The following TUB variants were observed in gnomAD, a reference collection of about 807,000 sequenced individuals.
TUB encodes the protein tubby protein homolog.
A neutral mutation model predicts 59.7 loss-of-function variants in TUB; 33 were observed. The ratio of observed to expected loss-of-function variants is 0.55; its 90% CI spans 0.42 to 0.74. The LOEUF is 0.74. Ranked by LOEUF, TUB falls within the 30% of genes least tolerant of loss-of-function variation. TUB has a pLI of 0.00. For synonymous variants in TUB, 293 were observed against 256.4 expected (o/e 1.14, Z -1.36); for missense variants, 659 against 672.0 (o/e 0.98, Z 0.21).
rs1172122964 is a variant in TUB, at chr11:8,095,638, G to C, written c.538G>C (p.Asp180His). The C allele has an allele frequency of 1.2e-6, 2 of 1,607,114 alleles. No individual in the cohort carries two copies. Among genetic ancestry groups the C allele is most frequent in the African/African-American group, 1.3e-5 (1 of 75,014 alleles). The change falls in exon 5 of 12, where the codon GAT (aspartate) becomes CAT (histidine). Residue 180 changes from aspartate (D) to histidine (H), a missense_variant. Coordinates refer to ENST00000299506, the MANE Select transcript of TUB (RefSeq NM_177972.3). ...TGGGGGCGAACGGCCCAGCGGGCAG[G>C]ATCTCCGTGCCACGATGCAGAGGAA... ...AGGGERPSGQ[D>H]LRATMQRKGI...
chr11:8,101,381 C>G, intron 11 of TUB, 105 bp from the exon 12 acceptor site: 1 of 1,417,796 alleles, frequency 7.1e-7, no homozygotes, highest in Non-Finnish European at 9.8e-7. Flanking sequence ...ATCTCTGCTT[C>G]TCACTTGTTC....
chr11:8,095,469 T>G (rs1454409634), intron 4 of TUB, 29 bp from the exon 5 acceptor site: 1 of 1,583,048 alleles, frequency 6.3e-7, no homozygotes, highest in South Asian at 1.1e-5. Context: ...TCCTCCTGGA[T>G]GTAACTCAGG....
chr11:8,020,454 C>T (rs2133692992), intron 1 of TUB, among the ~76,000 whole-genome samples: 1 of 152,328 alleles, frequency 6.6e-6, no homozygotes, highest in South Asian at 2.1e-4. Flanking sequence ...AGGACCCCTC[C>T]TCACCTTCCC....
At chr11:8,054,604 G>C (rs10769866) in intron 2 of TUB, among the ~76,000 whole-genome samples, 80,335 of 152,166 alleles carry the variant, frequency 0.53, 24,383 homozygotes, top group South Asian at 0.79. Context: ...AATGTCTGTT[G>C]TGGCATATCT....
intron 2 of TUB, among the ~76,000 whole-genome samples, chr11:8,059,374 T>G (rs1017293932): frequency 6.6e-6 from 1 of 152,166 alleles, no homozygotes; most frequent in African/African-American, 2.4e-5. Flanking sequence ...ATTGCCCAGC[T>G]GAGGCAGGAG....
chr11:8,100,824 A>G lies in TUB; in HGVS notation c.1216-2A>G. On this transcript the variant is annotated splice_acceptor_variant, in intron 10 of 11. Transcript: ENST00000299506. LOFTEE classifies it high-confidence loss of function. ...CTGGCTCAGGTGAGGCTGCCCTCCC[A>G]GGAGCATGAGACACTGCTAGCACGC... is the stretch of plus-strand genomic sequence containing the variant. 1 of 1,613,816 alleles carries G rather than the reference A, an allele frequency of 6.2e-7. No homozygotes were observed. The highest frequency in any genetic ancestry group is 8.5e-7 in the Non-Finnish European group (1 of 1,179,836).
intron 2 of TUB, among the ~76,000 whole-genome samples, chr11:8,072,167 G>A (rs777825193): frequency 1.4e-4 from 22 of 152,200 alleles, no homozygotes; most frequent in Non-Finnish European, 2.5e-4. Flanking sequence ...CGCAGAGGGG[G>A]AAGGAGGCAG....
At chr11:8,067,146 G>A (rs1303877673) in intron 2 of TUB, among the ~76,000 whole-genome samples, 1 of 152,202 alleles carries the variant, frequency 6.6e-6, no homozygotes, top group Non-Finnish European at 1.5e-5. Flanking sequence ...ACGCCAATGA[G>A]GTCCAGCTTC....
rs753490826 is a variant in TUB, at chr11:8,038,853, C to T, written c.-21C>T. The stretch of plus-strand genomic sequence containing the variant: ...CCTGAAGTGGGACCATCCCTTAAAC[C>T]CACTCCATCCTGTGGCCACGATGGG... On this transcript the variant is annotated 5_prime_UTR_variant, in exon 1 of 13. Transcript: ENST00000305253. 13 of 1,612,440 alleles carry T rather than the reference C, an allele frequency of 8.1e-6. No individual in the cohort carries two copies. The Middle Eastern group carries it at 5.0e-4, about 62-fold the overall frequency.
chr11:8,021,078 C>T (rs1051189502), intron 1 of TUB, among the ~76,000 whole-genome samples: 1 of 152,172 alleles, frequency 6.6e-6, no homozygotes, highest in Non-Finnish European at 1.5e-5. Context: ...AATTAGATAA[C>T]CTGCATTCAA....
rs1220123142 is a variant in TUB, at chr11:8,105,069, A to C, written c.*3450A>C. The C allele has an allele frequency of 6.6e-6, 1 of 152,116 alleles. No individual in the cohort carries two copies. Among genetic ancestry groups the C allele is most frequent in the Non-Finnish European group, 1.5e-5 (1 of 68,026 alleles). The allele number at this position is 152,116 out of a possible 1,614,324, so 9.4% of individuals were successfully genotyped here. A position where few individuals can be genotyped will look rare whatever the true frequency, so the allele number is the denominator to read the frequency against. On this transcript the variant is annotated 3_prime_UTR_variant, in exon 12 of 12. Transcript: ENST00000299506. ...AAGGTCCATGCTTTGCTTACAATGG[A>C]GTCTGCAGTGAGGGGAGATGCTGGG...
intron 2 of TUB, among the ~76,000 whole-genome samples, chr11:8,056,381 GAGT>G (rs1943022137): frequency 6.6e-6 from 1 of 152,158 alleles, no homozygotes; most frequent in Non-Finnish European, 1.5e-5. Flanking sequence ...GGGGTGGCAT[GAGT>G]GTGTGCTGTG....
intron 4 of TUB, among the ~76,000 whole-genome samples, chr11:8,094,867 C>T (rs1002559400): frequency 6.6e-6 from 1 of 152,194 alleles, no homozygotes; most frequent in Admixed American, 6.5e-5. Context: ...TGGAGCTGGC[C>T]GAGCACTCTG....
At position 8,054,445 on chromosome 11, in the gene TUB, G is replaced by GGA. The variant is rs139244652; in HGVS notation, c.203+14774_203+14775dup. Among the ~76,000 whole-genome samples, 528 of 150,154 alleles carry GGA rather than the reference G, an allele frequency of 3.5e-3. 6 individuals are homozygous for GGA. The highest frequency in any genetic ancestry group is 0.023 in the South Asian group (109 of 4,704). On this transcript the variant is annotated intron_variant, in intron 2 of 12. Coordinates refer to the TUB transcript ENST00000305253. ...CTTGGGCCTGGCAGGGGCAAGGGCT[G>GGA]GAGAGAGAGAGAGAGAGAGAGACAG...
intron 2 of TUB, among the ~76,000 whole-genome samples, chr11:8,050,909 C>T (rs1440667698): frequency 6.6e-6 from 1 of 152,162 alleles, no homozygotes; most frequent in Non-Finnish European, 1.5e-5. Flanking sequence ...GACAATTGCA[C>T]ACATATTCTC....
At chr11:8,039,788 G>T in intron 2 of TUB, 6 of 1,080,976 alleles carry the variant, frequency 5.6e-6, no homozygotes, top group South Asian at 2.1e-5. Flanking sequence ...TGGCTCAGGG[G>T]CCATGAACCC....
At position 8,056,593 on chromosome 11, in the gene TUB, G is replaced by A. The variant is rs151177568; in HGVS notation, c.203+16901G>A. Among the ~76,000 whole-genome samples the A allele has an allele frequency of 2.1e-3, 319 of 152,190 alleles. 1 individual carries two copies. The highest frequency in any genetic ancestry group is 7.4e-3 in the African/African-American group (306 of 41,518). On this transcript the variant is annotated intron_variant, in intron 2 of 12. Transcript: ENST00000305253. ...CAGTACATGTGGGTACAAAGCACAC[G>A]AAGGAATTTTGGGTACATATGCGCA...
At chr11:8,100,467 C>A (rs531704941) in intron 9 of TUB, 36 bp from the exon 10 acceptor site, 1 of 1,549,372 alleles carries the variant, frequency 6.5e-7, no homozygotes, top group Non-Finnish European at 8.9e-7. Flanking sequence ...GGTAAATAGA[C>A]GCCTCAGGTG....
At chr11:8,050,018 G>C (rs935334180) in intron 2 of TUB, among the ~76,000 whole-genome samples, 1 of 152,126 alleles carries the variant, frequency 6.6e-6, no homozygotes, top group African/African-American at 2.4e-5. Context: ...CCAAAGTAGT[G>C]ATCCCGACTT....
Sources: allele counts gnomAD v4.1 joint callset (sites outside exome capture counted in the v4.1 genomes callset), GRCh38; gene constraint gnomAD v4.1.1; transcripts MANE v1.5; gene names NCBI Gene and HGNC (gene_info 2026-07-23, HGNC 2026-07-21).